The following COL18A1 variants were observed in gnomAD, a reference collection of about 807,000 sequenced individuals.
The protein encoded by COL18A1 is collagen alpha-1(XVIII) chain.
COL18A1 carries 133 observed loss-of-function variants against 168.0 expected under a neutral mutation model. That is an observed-to-expected ratio of 0.79 (90% confidence interval 0.69 to 0.91). The LOEUF is 0.91. Ranked by LOEUF, COL18A1 falls within the 40% of genes least tolerant of loss-of-function variation. The pLI is 0.00. For synonymous variants in COL18A1, 949 were observed against 809.0 expected, an observed-to-expected ratio of 1.17 and a Z score of -2.94; for missense variants, 2,126 against 1,925.4, an observed-to-expected ratio of 1.10 and a Z score of -1.95.
chr21:45,446,169 C>T (rs775766882), intron 2 of COL18A1, among the ~76,000 whole-genome samples: 5 of 152,124 alleles, frequency 3.3e-5, no homozygotes, highest in Non-Finnish European at 7.3e-5. Flanking sequence ...GGCCCAGCAC[C>T]GTTTGTTGAA....
intron 2 of COL18A1, chr21:45,455,744 G>C: frequency 6.2e-7 from 1 of 1,613,814 alleles, no homozygotes; most frequent in Non-Finnish European, 8.5e-7. Flanking sequence ...TGGTTCCACA[G>C]AGCCAGCGAC....
intron 9 of COL18A1, among the ~76,000 whole-genome samples, chr21:45,478,998 C>T (rs1387177756): frequency 2.0e-5 from 3 of 152,302 alleles, no homozygotes; most frequent in East Asian, 3.9e-4. Flanking sequence ...AAGCTGCCTG[C>T]GATGAGGACC....
At chr21:45,494,774 C>T in intron 27 of COL18A1, 88 bp from the exon 28 acceptor site, 1 of 1,324,360 alleles carries the variant, frequency 7.6e-7, no homozygotes, top group East Asian at 2.5e-5. Context: ...CTGTGCTCTG[C>T]ATGGCCCCTC....
intron 2 of COL18A1, chr21:45,419,686 G>A (rs1208898443): frequency 6.6e-6 from 1 of 152,220 alleles, no homozygotes; most frequent in Admixed American, 6.5e-5. Context: ...GAGGACCTGG[G>A]GCCACTTGGT....
chr21:45,467,303 C>G, intron 2 of COL18A1: 1 of 985,464 alleles, frequency 1.0e-6, no homozygotes, highest in Non-Finnish European at 1.2e-6. Flanking sequence ...CCCTGGGCTA[C>G]TGAGTCGAAG....
intron 2 of COL18A1, chr21:45,455,407 G>A: frequency 7.1e-7 from 1 of 1,400,170 alleles, no homozygotes; most frequent in South Asian, 1.2e-5. Flanking sequence ...GTGGGGGGTG[G>A]AAGACAGCCG....
chr21:45,421,254 A>G (rs2033614006), intron 2 of COL18A1: 1 of 367,500 alleles, frequency 2.7e-6, no homozygotes, highest in Non-Finnish European at 5.4e-6. Context: ...CCCCTTGCAA[A>G]GGTGAAGCCA....
chr21:45,405,404 C>A lies in COL18A1; in HGVS notation c.37C>A (p.Arg13=). Residue 13 remains arginine (R), a synonymous_variant, in exon 2 of 42, where the codon CGG becomes AGG. Transcript: ENST00000651438. ...GTGCCCCTGGCCATGGCCGCGGCGG[C>A]GGCGCCTCCTGGACGTGCTCGCGCC... ...PRCPWPWPRR[R]RLLDVLAPLV... is the part of the protein sequence containing the mutation. 1 of 1,321,036 alleles carries A rather than the reference C, an allele frequency of 7.6e-7. No homozygotes were observed. Among genetic ancestry groups the A allele is most frequent in the Non-Finnish European group, 9.7e-7 (1 of 1,031,038 alleles). The allele number at this position is 1,321,036 out of a possible 1,614,324, so 81.8% of individuals were successfully genotyped here.
chr21:45,484,372 GCACA>G (rs1314612015), intron 15 of COL18A1, among the ~76,000 whole-genome samples: 2 of 77,690 alleles, frequency 2.6e-5, no homozygotes, highest in Non-Finnish European at 5.2e-5. Flanking sequence ...ACACATACAC[GCACA>G]CACACATCTC....
intron 2 of COL18A1, among the ~76,000 whole-genome samples, chr21:45,437,700 A>ACT (rs2145802983): frequency 1.6e-5 from 1 of 61,976 alleles, no homozygotes; most frequent in Non-Finnish European, 2.8e-5. Flanking sequence ...ACACACACAC[A>ACT]CACACTCAGA....
Position 45,494,766 on chromosome 21 carries a change from G to A in COL18A1, c.2380-96G>A. The A allele has an allele frequency of 3.8e-6, 5 of 1,301,590 alleles. No individual in the cohort carries two copies. In the South Asian group the frequency reaches 6.2e-5, roughly 16 times the overall value. 80.6% of individuals were successfully genotyped at this position (1,301,590 alleles called of 1,614,324 possible). ...GAGCTGATGGGTGGCCCAGGGTGCT[G>A]TGCTCTGCATGGCCCCTCCCCTTCC... On this transcript the variant is annotated intron_variant, in intron 27 of 41. Coordinates refer to ENST00000651438, the MANE Select transcript of COL18A1 (RefSeq NM_001379500.1).
At chr21:45,458,677 CG>C (rs1031492599) in intron 2 of COL18A1, among the ~76,000 whole-genome samples, 1 of 152,168 alleles carries the variant, frequency 6.6e-6, no homozygotes, top group African/African-American at 2.4e-5. Context: ...CCTGGAGCCC[CG>C]GGAGGCTCCA....
At chr21:45,481,104 C>T (rs1006922254) in intron 13 of COL18A1, among the ~76,000 whole-genome samples, 2 of 152,218 alleles carry the variant, frequency 1.3e-5, no homozygotes, top group Non-Finnish European at 2.9e-5. Context: ...GCAAGGCCTC[C>T]GACCTCTCTG....
chr21:45,453,380 T>C (rs1382789953), intron 2 of COL18A1, among the ~76,000 whole-genome samples: 1 of 152,104 alleles, frequency 6.6e-6, no homozygotes, highest in African/African-American at 2.4e-5. Context: ...GGAGTGAGCA[T>C]ACATATATGT....
At chr21:45,432,960 T>A (rs2034003451) in intron 2 of COL18A1, among the ~76,000 whole-genome samples, 1 of 152,156 alleles carries the variant, frequency 6.6e-6, no homozygotes, top group Non-Finnish European at 1.5e-5. Context: ...AATTCACCCC[T>A]CTAGGGAGAG....
chr21:45,471,880 G>A lies in COL18A1; in HGVS notation c.652-2015G>A, dbSNP rs751817738. On this transcript the variant is annotated intron_variant, in intron 3 of 41. Coordinates refer to ENST00000651438, the MANE Select transcript of COL18A1 (RefSeq NM_001379500.1). This position sits in a 1 kb window ranked among gnomAD's most constrained non-coding sequence, Gnocchi z 4.4. The stretch of plus-strand genomic sequence containing the variant: ...CTCCGGATTTCATAACTTTCAGTCC[G>A]AAGTCCCTTAAATATTTACAATGGG... Among the ~76,000 whole-genome samples the A allele has an allele frequency of 1.3e-5, 2 of 152,098 alleles. No individual in the cohort carries two copies. The highest frequency in any genetic ancestry group is 6.5e-5 in the Admixed American group (1 of 15,268).
At chr21:45,504,149 C>A (rs1264979917) in intron 33 of COL18A1, 95 bp downstream of exon 33, 1 of 1,427,478 alleles carries the variant, frequency 7.0e-7, no homozygotes, top group Non-Finnish European at 9.9e-7. Flanking sequence ...GGCCCAAGCC[C>A]CCTTCCTGTT....
At chr21:45,491,692 T>C (rs1305809147) in intron 22 of COL18A1, among the ~76,000 whole-genome samples, 5 of 152,188 alleles carry the variant, frequency 3.3e-5, no homozygotes, top group Non-Finnish European at 7.3e-5. Context: ...AAGGTTGTGT[T>C]GGTTCCGGAA....
intron 2 of COL18A1, among the ~76,000 whole-genome samples, chr21:45,451,731 A>G (rs1409321668): frequency 6.6e-6 from 1 of 152,156 alleles, no homozygotes; most frequent in East Asian, 1.9e-4. Context: ...TCAGGCCTCA[A>G]GGCAATAGGG....
Sources: gnomAD v4.1 joint callset for allele counts (sites outside exome capture counted in the v4.1 genomes callset) on GRCh38, gnomAD v4.1.1 for gene constraint, Gnocchi (gnomAD v3.1) non-coding constraint, MANE v1.5 for transcripts, NCBI Gene and HGNC (gene_info 2026-07-23, HGNC 2026-07-21) for gene names.